Variants in TSPOAP1 observed in about 807,000 individuals in gnomAD.
TSPOAP1 encodes the protein TSPO associated protein 1, also known as peripheral-type benzodiazepine receptor-associated protein 1.
In TSPOAP1, 87 loss-of-function variants were observed where a neutral mutation model predicts 197.0. That is an observed-to-expected ratio of 0.44 (90% CI 0.37 to 0.53). The LOEUF (loss-of-function observed/expected upper bound fraction) is 0.53, where lower values mean the gene tolerates loss of function less well. TSPOAP1 is among the 20% of genes least tolerant of loss of function. The pLI is 0.00. For missense variants in TSPOAP1, 2,174 were observed against 2,411.3 expected (o/e 0.90, Z 2.06); for synonymous variants, 913 against 998.9 (o/e 0.91, Z 1.62).
Position 58,309,148 on chromosome 17 carries a change from C to T in TSPOAP1, c.4124G>A (p.Arg1375Gln), listed in dbSNP as rs764279652. The stretch of plus-strand genomic sequence containing the variant: ...AGACAAGGGACACTGGCCAGGTCTT[C>T]GGGGCTGACCACTGTCACAGCCCAG... Reference protein sequence around the residue: ...LGLGCDSGQPRRPGQCPLSPE... With the variant: ...LGLGCDSGQPQRPGQCPLSPE... Residue 1375 changes from arginine to glutamine, a missense_variant, in exon 22 of 32, where the codon CGA (arginine) becomes CAA (glutamine). Physicochemically the swap from Arg to Gln is conservative, Grantham distance 43. Around this residue, in one of 5 missense-constraint regions of TSPOAP1, gnomAD observed 1,933 missense variants for 2,139.0 expected, o/e 0.90. Transcript: ENST00000343736. This position sits in a 1 kb window ranked among gnomAD's most constrained non-coding sequence, Gnocchi z 5.0. 5.0e-6 allele frequency: 8 copies of T among 1,613,796 alleles called. No homozygotes were observed. In the Admixed American group the frequency reaches 5.0e-5, roughly 10 times the overall value.
In TSPOAP1 at chr17:58,311,624, T is replaced by C. The variant is rs1254088064; in HGVS notation, c.3028A>G (p.Thr1010Ala). 2.5e-6 allele frequency: 4 copies of C among 1,610,650 alleles called. No homozygotes were observed. Among genetic ancestry groups the C allele is most frequent in the Admixed American group, 1.7e-5 (1 of 59,792 alleles). The change falls in exon 18 of 32, where the codon ACA (threonine) becomes GCA (alanine). Residue 1010 changes from threonine (T) to alanine (A), a missense_variant. By Grantham distance (58) the Thr-to-Ala change is moderately conservative (BLOSUM62 0). Coordinates refer to ENST00000343736, the MANE Select transcript of TSPOAP1 (RefSeq NM_004758.4). ...WLPVTIDAAGTSNGVRVTGYA... is the reference protein window; with the variant it reads ...WLPVTIDAAGASNGVRVTGYA... ...CCTGTGACCCGGACACCGTTGGATG[T>C]GCCAGCAGCATCGATGGTGACTGGG...
chr17:58,319,060 C>T, intron 13 of TSPOAP1, 30 bp downstream of exon 13: 1 of 1,476,932 alleles, frequency 6.8e-7, no homozygotes, highest in South Asian at 1.4e-5. Context: ...CCTGGGGATT[C>T]CAGGCCAATG....
At position 58,304,281 on chromosome 17, in the gene TSPOAP1, T is replaced by C. The variant is rs1240867218; in HGVS notation, c.*32+57A>G. The C allele has an allele frequency of 6.9e-7, 1 of 1,458,906 alleles. No individual in the cohort carries two copies. Among genetic ancestry groups the C allele is most frequent in the Non-Finnish European group, 9.6e-7 (1 of 1,041,920 alleles). 90.4% of individuals were successfully genotyped at this position (1,458,906 alleles called of 1,614,324 possible). On this transcript the variant is annotated intron_variant, in intron 31 of 31. Coordinates refer to ENST00000343736, the MANE Select transcript of TSPOAP1 (RefSeq NM_004758.4). This position sits in a 1 kb window ranked among gnomAD's most constrained non-coding sequence, Gnocchi z 4.2. ...CAGTATTTGAGACAAAGGAGCACTG[T>C]CTGATTATGGTCAAGTGGGGGTGGA... is the stretch of plus-strand genomic sequence containing the variant.
chr17:58,326,492 C>T lies in TSPOAP1; in HGVS notation c.442-71G>A, dbSNP rs1384723229. The T allele has an allele frequency of 1.9e-6, 3 of 1,591,554 alleles. No homozygotes were observed. Among genetic ancestry groups the T allele is most frequent in the Non-Finnish European group, 1.7e-6 (2 of 1,168,678 alleles). On this transcript the variant is annotated intron_variant, in intron 2 of 31. Transcript: ENST00000343736. The surrounding 1 kb of genome is among the most constrained non-coding windows in gnomAD (Gnocchi z 4.7). ...CAGACCCAGTCCTAACAGCCCAAGT[C>T]TTGGGCTAGAGCCCTAGGCTCACAG...
At position 58,312,414 on chromosome 17, in the gene TSPOAP1, G is replaced by C; in HGVS notation, c.2407C>G (p.Leu803Val). The change falls in exon 17 of 32, where the codon CTG becomes GTG. Residue 803 changes from leucine to valine, a missense_variant. Leu to Val is a conservative substitution (Grantham distance 32). Around this residue, in one of 5 missense-constraint regions of TSPOAP1, gnomAD observed 1,933 missense variants for 2,139.0 expected, o/e 0.90. Coordinates refer to ENST00000343736, the MANE Select transcript of TSPOAP1 (RefSeq NM_004758.4). ...YPRRLVVLKQ[L>V]AHSVVLAWEP... ...CAGGCCAGCACCACGCTGTGGGCCA[G>C]CTGCTTGAGGACCACCAGACGGCGG... is the stretch of plus-strand genomic sequence containing the variant. 6.2e-7 allele frequency: 1 copy of C among 1,613,088 alleles called. No individual in the cohort carries two copies. Among genetic ancestry groups the C allele is most frequent in the Non-Finnish European group, 8.5e-7 (1 of 1,179,824 alleles).
In TSPOAP1 at chr17:58,328,010, C is replaced by T. The variant is rs906924389; in HGVS notation, c.-90G>A. 5 of 1,168,574 alleles carry T rather than the reference C, an allele frequency of 4.3e-6. No individual in the cohort carries two copies. The African/African-American group carries it at 6.2e-5, about 14-fold the overall frequency. The allele number at this position is 1,168,574 out of a possible 1,614,324, so 72.4% of individuals were successfully genotyped here. On this transcript the variant is annotated 5_prime_UTR_variant, in exon 1 of 32. Transcript: ENST00000343736. This position sits in a 1 kb window ranked among gnomAD's most constrained non-coding sequence, Gnocchi z 4.3. ...CGAGGGTCATGCCAGGCCAGCCCCT[C>T]TCCCCTCTGAGCTCTTGCTTCACCG...
intron 16 of TSPOAP1, among the ~76,000 whole-genome samples, chr17:58,314,956 A>G (rs1325222029): frequency 6.6e-6 from 1 of 152,196 alleles, no homozygotes; most frequent in Non-Finnish European, 1.5e-5. Flanking sequence ...CATCTATCCC[A>G]ATTTATCCCA....
Position 58,319,243 on chromosome 17 carries a change from T to C in TSPOAP1, c.1546A>G (p.Ser516Gly). The change falls in exon 13 of 32, where the codon AGC becomes GGC. Residue 516 changes from serine to glycine, a missense_variant. Transcript: ENST00000343736. ...EQCRSQTEQF[S>G]LLAQELQAFR... ...GCCTGGAGTTCCTGTGCCAGGAGGC[T>C]GAACTGCTCGGTTTGGCTGCGGCAC... is the stretch of plus-strand genomic sequence containing the variant. 1 of 1,599,534 alleles carries C rather than the reference T, an allele frequency of 6.3e-7. No homozygotes were observed. The highest frequency in any genetic ancestry group is 2.3e-5 in the East Asian group (1 of 43,894).
At position 58,325,579 on chromosome 17, in the gene TSPOAP1, C is replaced by T. The variant is rs1971564564; in HGVS notation, c.705G>A (p.Gln235=). Residue 235 remains glutamine, a synonymous_variant, in exon 4 of 32, where the codon CAG becomes CAA. Transcript: ENST00000343736. ...TGGCCTGCAGCTCCCTGCACTCCCG[C>T]TGCAAGGCAGCAATCTGCTTGTCCT... ...LAKDKQIAAL[Q]RECRELQARL... is the part of the protein sequence containing the mutation. 6.2e-7 allele frequency: 1 copy of T among 1,613,294 alleles called. No individual in the cohort carries two copies. The highest frequency in any genetic ancestry group is 8.5e-7 in the Non-Finnish European group (1 of 1,180,018).
Position 58,311,772 on chromosome 17 carries a change from G to T in TSPOAP1, c.2930-50C>A, listed in dbSNP as rs759073133. 2.4e-5 allele frequency: 37 copies of T among 1,516,498 alleles called. No individual in the cohort carries two copies. In the South Asian group the frequency reaches 4.6e-4, roughly 19 times the overall value. The allele number at this position is 1,516,498 out of a possible 1,614,324, so 93.9% of individuals were successfully genotyped here. A position where few individuals can be genotyped will look rare whatever the true frequency, so the allele number is the denominator to read the frequency against. On this transcript the variant is annotated intron_variant, in intron 17 of 31. Transcript: ENST00000343736. ...CAGTGATGCAGGACGCTCCCCATCAGAGATACCTGCCCAATTTGCTATTTC... is the reference window on the plus strand; with the variant it reads ...CAGTGATGCAGGACGCTCCCCATCATAGATACCTGCCCAATTTGCTATTTC...
rs745797044 is a variant in TSPOAP1 at position 58,310,042 on chromosome 17, TTCCTCC to T, written c.3810_3815del (p.Glu1273_Glu1274del). On this transcript the variant is annotated inframe_deletion, in exon 21 of 32. Transcript: ENST00000343736. Reference sequence around the variant, plus strand: ...AGCAAGTCCTGGAACCCAGCTCCTCTTCCTCCTCCTCCTCCTCCTCTTCCTCTTCCT... The same window carrying T: ...AGCAAGTCCTGGAACCCAGCTCCTCTTCCTCCTCCTCCTCTTCCTCTTCCT... The T allele has an allele frequency of 1.9e-6, 3 of 1,612,744 alleles. No individual in the cohort carries two copies. Among genetic ancestry groups the T allele is most frequent in the East Asian group, 2.2e-5 (1 of 44,818 alleles).
intron 16 of TSPOAP1, among the ~76,000 whole-genome samples, chr17:58,315,273 A>G (rs1385833839): frequency 6.6e-6 from 1 of 152,234 alleles, no homozygotes; most frequent in Non-Finnish European, 1.5e-5. Flanking sequence ...TTACAGATTC[A>G]GAGCTAAGCC....
In TSPOAP1 at chr17:58,324,933, G is replaced by T; in HGVS notation, c.820C>A (p.Arg274=). 14 of 1,539,312 alleles carry T rather than the reference G, an allele frequency of 9.1e-6. No homozygotes were observed. The highest frequency in any genetic ancestry group is 1.1e-5 in the Non-Finnish European group (13 of 1,145,582). The change falls in exon 5 of 32, where the codon CGG becomes AGG. Residue 274 remains arginine, a synonymous_variant. Transcript: ENST00000343736. This position sits in a 1 kb window ranked among gnomAD's most constrained non-coding sequence, Gnocchi z 5.8. The part of the protein sequence containing the change: ...LLRESQREVL[R]LQRQIALRNQ... ...CGCAGCGCGATCTGCCTCTGCAGCC[G>T]CAGCACCTCCCGCTGGGACTCGCGC...
rs769660594 is a variant in TSPOAP1, at chr17:58,312,264, C to T, written c.2557G>A (p.Gly853Arg). 143 of 1,612,496 alleles carry T rather than the reference C, an allele frequency of 8.9e-5. No individual in the cohort carries two copies. The highest frequency in any genetic ancestry group is 3.3e-4 in the Middle Eastern group (2 of 6,076). Residue 853 changes from glycine to arginine, a missense_variant, in exon 17 of 32, where the codon GGG becomes AGG. Physicochemically the swap from Gly to Arg is moderately radical, Grantham distance 125. Transcript: ENST00000343736. ...GCCTGGACAGAAATGTGAAGGGGCC[C>T]GGCCCACAGGTCCAGGTTCTCCAGC... ...AVLENLDLWA[G>R]PLHISVQALT...
chr17:58,312,274 G>A lies in TSPOAP1; in HGVS notation c.2547C>T (p.Asp849=). The change falls in exon 17 of 32, where the codon GAC becomes GAT. Residue 849 remains aspartate, a synonymous_variant. Transcript: ENST00000343736. ...AAATGTGAAGGGGCCCGGCCCACAG[G>A]TCCAGGTTCTCCAGCACGGCCTTGG... is the stretch of plus-strand genomic sequence containing the variant. The part of the protein sequence containing the change: ...APPKAVLENL[D]LWAGPLHISV... The A allele has an allele frequency of 6.2e-7, 1 of 1,612,714 alleles. No homozygotes were observed. Among genetic ancestry groups the A allele is most frequent in the Non-Finnish European group, 8.5e-7 (1 of 1,179,794 alleles).
At position 58,304,700 on chromosome 17, in the gene TSPOAP1, G is replaced by A. The variant is rs1036806405; in HGVS notation, c.5545-301C>T. 1 of 569,286 alleles carries A rather than the reference G, an allele frequency of 1.8e-6. No homozygotes were observed. Among genetic ancestry groups the A allele is most frequent in the African/African-American group, 1.9e-5 (1 of 53,308 alleles). The allele number at this position is 569,286 out of a possible 1,614,324, so 35.3% of individuals were successfully genotyped here. On this transcript the variant is annotated intron_variant, in intron 30 of 31. Transcript: ENST00000343736. The surrounding 1 kb of genome is among the most constrained non-coding windows in gnomAD (Gnocchi z 4.2). Reference sequence around the variant, plus strand: ...TCCAAAGGCACCTGGGAGGTATGGAGACCACCCCCAGGGTGGGAGTGTCCT... The same window carrying A: ...TCCAAAGGCACCTGGGAGGTATGGAAACCACCCCCAGGGTGGGAGTGTCCT...
At chr17:58,319,449 C>T (rs1174265307) in intron 12 of TSPOAP1, among the ~76,000 whole-genome samples, 155 bp from the exon 13 acceptor site, 2 of 152,188 alleles carry the variant, frequency 1.3e-5, no homozygotes, top group African/African-American at 4.8e-5. Context: ...CCCCACTGTC[C>T]TTAATGCATC....
chr17:58,308,428 CA>C, intron 22 of TSPOAP1, 112 bp downstream of exon 22: 1 of 1,451,324 alleles, frequency 6.9e-7, no homozygotes, highest in Non-Finnish European at 9.1e-7. Flanking sequence ...GGCCCGGCCC[CA>C]CCTCTGCTGA....
intron 14 of TSPOAP1, 49 bp downstream of exon 14, chr17:58,318,231 C>T: frequency 6.2e-7 from 1 of 1,604,572 alleles, no homozygotes; most frequent in African/African-American, 1.3e-5. Context: ...CTGCCCTGCA[C>T]CCTTCCCCAA....
Sources: allele counts gnomAD v4.1 joint callset (sites outside exome capture counted in the v4.1 genomes callset), GRCh38; gene constraint gnomAD v4.1.1; regional missense constraint gnomAD v4.1.1; non-coding constraint Gnocchi (gnomAD v3.1); transcripts MANE v1.5; gene names NCBI Gene and HGNC (gene_info 2026-07-23, HGNC 2026-07-21).